The following UTRN variants were observed in gnomAD, a reference collection of about 807,000 sequenced individuals.
UTRN encodes the protein dystrophin-related protein 1.
In UTRN, 283 loss-of-function variants were observed where a neutral mutation model predicts 463.9. That is an observed-to-expected ratio of 0.61 (90% CI 0.55 to 0.67). UTRN has a LOEUF of 0.67. Among genes scored for constraint, UTRN ranks in the 30% least tolerant of loss-of-function variants. UTRN has a pLI of 0.00. For synonymous variants in UTRN, 1,442 were observed against 1,431.5 expected, an observed-to-expected ratio of 1.01 and a Z score of -0.17; for missense variants, 3,922 against 4,084.3, an observed-to-expected ratio of 0.96 and a Z score of 1.08.
chr6:144,630,654 A>G (rs995642316), intron 51 of UTRN, among the ~76,000 whole-genome samples: 7 of 152,202 alleles, frequency 4.6e-5, no homozygotes, highest in African/African-American at 1.7e-4. Flanking sequence ...GCCAAACCAT[A>G]TCATCCTGAT....
intron 4 of UTRN, among the ~76,000 whole-genome samples, chr6:144,422,954 C>T (rs961140063): frequency 1.3e-5 from 2 of 152,142 alleles, no homozygotes; most frequent in South Asian, 2.1e-4. Flanking sequence ...AAGGTTCTGG[C>T]CAGTGAAGTA....
At chr6:144,490,319 G>A in intron 31 of UTRN, 120 bp downstream of exon 31, 1 of 1,394,138 alleles carries the variant, frequency 7.2e-7, no homozygotes, top group Non-Finnish European at 9.6e-7. Context: ...CCATGGGATG[G>A]GAGTGATGAT....
chr6:144,563,341 A>G (rs1333374406), intron 50 of UTRN, among the ~76,000 whole-genome samples: 1 of 152,098 alleles, frequency 6.6e-6, no homozygotes, highest in Non-Finnish European at 1.5e-5. Context: ...TATTGTCCCT[A>G]TAGATTAATA....
chr6:144,346,872 T>TACC, intron 2 of UTRN, among the ~76,000 whole-genome samples: 1 of 136,898 alleles, frequency 7.3e-6, no homozygotes, highest in East Asian at 2.0e-4. Context: ...TCTATCTATG[T>TACC]ATCATCTATC....
intron 51 of UTRN, among the ~76,000 whole-genome samples, chr6:144,677,543 C>T (rs112932081): frequency 6.6e-6 from 1 of 152,082 alleles, no homozygotes; most frequent in Non-Finnish European, 1.5e-5. Context: ...GGTTTCAAGT[C>T]TTTGTTACTG....
chr6:144,572,510 A>C (rs1223919013), intron 50 of UTRN, among the ~76,000 whole-genome samples: 2 of 151,952 alleles, frequency 1.3e-5, no homozygotes. Context: ...TAAGCCCCGC[A>C]TGCATTAGGC....
At chr6:144,361,713 C>T (rs1779092812) in intron 2 of UTRN, among the ~76,000 whole-genome samples, 1 of 151,974 alleles carries the variant, frequency 6.6e-6, no homozygotes, top group Non-Finnish European at 1.5e-5. Context: ...CTCAGTTTCC[C>T]AAGTAGCTGG....
chr6:144,339,019 T>A (rs1776939333), intron 2 of UTRN, among the ~76,000 whole-genome samples: 1 of 152,200 alleles, frequency 6.6e-6, no homozygotes, highest in South Asian at 2.1e-4. Context: ...GCCCTGGATC[T>A]TGCTGTTTTT....
chr6:144,798,700 A>G (rs927554515), intron 64 of UTRN, among the ~76,000 whole-genome samples: 2 of 152,226 alleles, frequency 1.3e-5, no homozygotes, highest in African/African-American at 2.4e-5. Context: ...ATGAAACAAC[A>G]TAAGCCTACT....
intron 51 of UTRN, among the ~76,000 whole-genome samples, chr6:144,620,682 C>G (rs533521700): frequency 1.1e-4 from 17 of 152,032 alleles, no homozygotes; most frequent in Non-Finnish European, 1.9e-4. Context: ...GACAAGACAA[C>G]TCTGGGGATT....
chr6:144,681,156 C>T (rs1225813748), intron 52 of UTRN, among the ~76,000 whole-genome samples: 2 of 152,120 alleles, frequency 1.3e-5, no homozygotes, highest in African/African-American at 4.8e-5. Context: ...TGTTAAGACA[C>T]TGGTGAGACA....
rs1435513197 is a variant in UTRN, at chr6:144,286,661, C to T, written c.-93+840C>T. Among the ~76,000 whole-genome samples the T allele has an allele frequency of 4.1e-5, 6 of 147,420 alleles. No homozygotes were observed. The highest frequency in any genetic ancestry group is 7.4e-5 in the Non-Finnish European group (5 of 67,444). On this transcript the variant is annotated intron_variant, in intron 1 of 74. Transcript: ENST00000367545. This position sits in a 1 kb window ranked among gnomAD's most constrained non-coding sequence, Gnocchi z 4.4. ...AACAAAGCACCAATTGAAGGCTGTG[C>T]AACTTTCAGATGGCAGGTTGTTCAA... is the stretch of plus-strand genomic sequence containing the variant.
chr6:144,679,110 A>T (rs945158787), intron 52 of UTRN, among the ~76,000 whole-genome samples: 4 of 152,116 alleles, frequency 2.6e-5, no homozygotes, highest in Admixed American at 1.3e-4. Flanking sequence ...CTCATTCAAG[A>T]TGTATTTATA....
At chr6:144,677,456 T>C (rs942106794) in intron 51 of UTRN, among the ~76,000 whole-genome samples, 1 of 152,216 alleles carries the variant, frequency 6.6e-6, no homozygotes, top group Admixed American at 6.5e-5. Flanking sequence ...CATTCTTTTT[T>C]ATGGCTGTAT....
In UTRN at chr6:144,814,769, G is replaced by A. The variant is rs192951273; in HGVS notation, c.9358-6113G>A. Among the ~76,000 whole-genome samples the A allele has an allele frequency of 1.9e-3, 283 of 152,270 alleles. 2 individuals are homozygous for A. The highest frequency in any genetic ancestry group is 7.0e-3 in the East Asian group (36 of 5,178). On this transcript the variant is annotated intron_variant, in intron 65 of 74. Transcript: ENST00000367545. ...TTAGTGTTCTAAGACTATTGTGTAC[G>A]TAATATGATAAAAAGCAAATGAATA... is the stretch of plus-strand genomic sequence containing the variant.
intron 52 of UTRN, among the ~76,000 whole-genome samples, chr6:144,697,796 GTTTCA>G (rs1244415669): frequency 6.6e-5 from 10 of 152,260 alleles, no homozygotes; most frequent in African/African-American, 1.9e-4. Flanking sequence ...TCAGTAATCA[GTTTCA>G]TTATTTCTGT....
chr6:144,774,557 T>C (rs556496743), intron 60 of UTRN, among the ~76,000 whole-genome samples, 193 bp downstream of exon 60: 114 of 152,342 alleles, frequency 7.5e-4, no homozygotes, highest in African/African-American at 2.6e-3. Context: ...ACTGAACACA[T>C]GCCATTCTTA....
intron 2 of UTRN, among the ~76,000 whole-genome samples, chr6:144,367,891 C>T (rs1249351932): frequency 6.6e-6 from 1 of 152,146 alleles, no homozygotes; most frequent in Admixed American, 6.5e-5. Flanking sequence ...AAGTGATTCT[C>T]ATGCCTCAGC....
chr6:144,693,255 C>G (rs1220365322), intron 52 of UTRN, among the ~76,000 whole-genome samples: 1 of 152,120 alleles, frequency 6.6e-6, no homozygotes, highest in Non-Finnish European at 1.5e-5. Flanking sequence ...GTCTATGTGT[C>G]TATTTTTATA....
Sources: allele counts gnomAD v4.1 joint callset (sites outside exome capture counted in the v4.1 genomes callset), GRCh38; gene constraint gnomAD v4.1.1; non-coding constraint Gnocchi (gnomAD v3.1); transcripts MANE v1.5; gene names NCBI Gene and HGNC (gene_info 2026-07-23, HGNC 2026-07-21).